SMAD2: variants seen among roughly 807,000 people sequenced by gnomAD.
The protein encoded by SMAD2 is SMAD family member 2.
In SMAD2, 8 loss-of-function variants were observed where a neutral mutation model predicts 64.4. The ratio of observed to expected loss-of-function variants is 0.12; its 90% CI spans 0.07 to 0.22. SMAD2 has a LOEUF of 0.22. SMAD2 is among the 10% of genes least tolerant of loss of function. The pLI is 1.00. For missense variants in SMAD2, 289 were observed against 561.2 expected (o/e 0.51, Z 4.90); for synonymous variants, 203 against 195.8 (o/e 1.04, Z -0.31).
rs1374148305 is a variant in SMAD2 at position 47,835,718 on chromosome 18, T to C, written c.*6109A>G. 5.3e-6 allele frequency: 1 copy of C among 190,286 alleles called. No individual in the cohort carries two copies. The highest frequency in any genetic ancestry group is 1.1e-5 in the Non-Finnish European group (1 of 90,708). The allele number at this position is 190,286 out of a possible 1,614,324, so 11.8% of individuals were successfully genotyped here. A position where few individuals can be genotyped will look rare whatever the true frequency, so the allele number is the denominator to read the frequency against. ...CAGAGAAAGGAAAACAATTATGAAA[T>C]GGAAAATATATAATATTTAAGTACT... On this transcript the variant is annotated 3_prime_UTR_variant, in exon 11 of 11. Transcript: ENST00000262160.
rs903107461 is a variant in SMAD2 at position 47,837,290 on chromosome 18, C to T, written c.*4537G>A. 2.1e-5 allele frequency: 4 copies of T among 193,560 alleles called. No homozygotes were observed. The highest frequency in any genetic ancestry group is 8.2e-5 in the East Asian group (1 of 12,194). The allele number at this position is 193,560 out of a possible 1,614,324, so 12.0% of individuals were successfully genotyped here. Reference sequence around the variant, plus strand: ...GATAAAAATATGGCTAGGCTGGGCGCGGTGGCTCATGCCTGTAATCCCAGC... The same window carrying T: ...GATAAAAATATGGCTAGGCTGGGCGTGGTGGCTCATGCCTGTAATCCCAGC... On this transcript the variant is annotated 3_prime_UTR_variant, in exon 11 of 11. Coordinates refer to ENST00000262160, the MANE Select transcript of SMAD2 (RefSeq NM_005901.6).
In SMAD2 at chr18:47,813,704, C is replaced by CCCCA. The variant is rs1912278101; in HGVS notation, c.*28119_*28122dup. 1.4e-5 allele frequency: 1 copy of CCCCA among 73,538 alleles called. No individual in the cohort carries two copies. The highest frequency in any genetic ancestry group is 2.7e-5 in the Non-Finnish European group (1 of 37,628). The allele number at this position is 73,538 out of a possible 1,614,324, so 4.6% of individuals were successfully genotyped here. Reference sequence around the variant, plus strand: ...TACAGGCATGAGCCACTGTACCCGGCCCCACAATTTTTTTTTTTTTTTTTT... The same window carrying CCCCA: ...TACAGGCATGAGCCACTGTACCCGGCCCCACCCACAATTTTTTTTTTTTTTTTTT... On this transcript the variant is annotated 3_prime_UTR_variant, in exon 11 of 11. Transcript: ENST00000262160.
At chr18:47,911,094 G>A (rs1265687879) in intron 1 of SMAD2, among the ~76,000 whole-genome samples, 1 of 151,962 alleles carries the variant, frequency 6.6e-6, no homozygotes, top group African/African-American at 2.4e-5. Context: ...GCTCACGCCT[G>A]TAATCCCAGC....
chr18:47,914,232 T>C (rs1365681215), intron 1 of SMAD2, among the ~76,000 whole-genome samples: 2 of 152,236 alleles, frequency 1.3e-5, no homozygotes, highest in Non-Finnish European at 2.9e-5. Context: ...ATCCTTAGAA[T>C]GACTTTTCAT....
chr18:47,890,989 T>C (rs904613022), intron 2 of SMAD2, among the ~76,000 whole-genome samples: 3 of 152,148 alleles, frequency 2.0e-5, no homozygotes, highest in Non-Finnish European at 4.4e-5. Context: ...ATAAAGTTAC[T>C]AATTACTCTG....
intron 2 of SMAD2, chr18:47,878,643 C>T (rs548586241): frequency 2.0e-5 from 3 of 151,996 alleles, no homozygotes; most frequent in East Asian, 1.9e-4. Flanking sequence ...CAAAACAAAA[C>T]GAAAGAATCA....
intron 5 of SMAD2, chr18:47,867,413 A>G (rs1304644396): frequency 6.6e-6 from 1 of 152,148 alleles, no homozygotes; most frequent in Non-Finnish European, 1.5e-5. Context: ...GATACATGAA[A>G]GAAATAATTG....
chr18:47,907,313 A>G (rs979534688), intron 1 of SMAD2, among the ~76,000 whole-genome samples: 2 of 152,236 alleles, frequency 1.3e-5, no homozygotes, highest in Non-Finnish European at 2.9e-5. Context: ...TAGTGTGCTC[A>G]TAAAAAGGAA....
rs1478091002 is a variant in SMAD2 at position 47,827,198 on chromosome 18, T to G, written c.*14629A>C. On this transcript the variant is annotated 3_prime_UTR_variant, in exon 11 of 11. Coordinates refer to ENST00000262160, the MANE Select transcript of SMAD2 (RefSeq NM_005901.6). ...TCTATTATCCAAGGTAACTGAAGTA[T>G]TTGACTGTACAGGACTGCTTCCTTC... 6.6e-6 allele frequency: 1 copy of G among 152,218 alleles called. No homozygotes were observed. The highest frequency in any genetic ancestry group is 6.5e-5 in the Admixed American group (1 of 15,288). 9.4% of individuals were successfully genotyped at this position (152,218 alleles called of 1,614,324 possible).
chr18:47,854,087 T>TA (rs2030424080), intron 6 of SMAD2, among the ~76,000 whole-genome samples: 1 of 133,838 alleles, frequency 7.5e-6, no homozygotes, highest in Non-Finnish European at 1.6e-5. Context: ...ATAGAAGCCT[T>TA]TAAAAAAAAA....
chr18:47,889,775 A>C (rs983185684), intron 2 of SMAD2, among the ~76,000 whole-genome samples: 10 of 152,066 alleles, frequency 6.6e-5, no homozygotes, highest in Non-Finnish European at 1.3e-4. Flanking sequence ...CATCTCAAAA[A>C]AAAAAAAAAG....
At chr18:47,927,704 A>C (rs1391431100) in intron 1 of SMAD2, among the ~76,000 whole-genome samples, 1 of 152,192 alleles carries the variant, frequency 6.6e-6, no homozygotes, top group Non-Finnish European at 1.5e-5. Context: ...GTTCGAGACC[A>C]GCCTGACCAA....
At chr18:47,911,810 T>C (rs1383986832) in intron 1 of SMAD2, among the ~76,000 whole-genome samples, 1 of 152,184 alleles carries the variant, frequency 6.6e-6, no homozygotes, top group Non-Finnish European at 1.5e-5. Flanking sequence ...CTGTAGTATG[T>C]AACTTGATAA....
Position 47,825,919 on chromosome 18 carries a change from T to C in SMAD2, c.*15908A>G, listed in dbSNP as rs954154452. ...AAGTAAAGCAGATAGCATCTTTGCA[T>C]TTAAGAAGTCCCAGAAAGGTTTTGG... On this transcript the variant is annotated 3_prime_UTR_variant, in exon 11 of 11. Transcript: ENST00000262160. 67 of 152,326 alleles carry C rather than the reference T, an allele frequency of 4.4e-4. No homozygotes were observed. Among genetic ancestry groups the C allele is most frequent in the African/African-American group, 1.6e-3 (65 of 41,566 alleles). 9.4% of individuals were successfully genotyped at this position (152,326 alleles called of 1,614,324 possible). A position where few individuals can be genotyped will look rare whatever the true frequency, so the allele number is the denominator to read the frequency against.
At chr18:47,853,642 C>A (rs536140356) in intron 6 of SMAD2, among the ~76,000 whole-genome samples, 1 of 152,096 alleles carries the variant, frequency 6.6e-6, no homozygotes, top group Admixed American at 6.5e-5. Context: ...ATGGTAGCCC[C>A]TAGATAAATA....
At chr18:47,919,635 C>T (rs909090436) in intron 1 of SMAD2, among the ~76,000 whole-genome samples, 5 of 152,010 alleles carry the variant, frequency 3.3e-5, no homozygotes, top group African/African-American at 9.7e-5. Context: ...CAGTGCAAAT[C>T]GGAGCAAGCT....
At chr18:47,921,849 A>G (rs1279696682) in intron 1 of SMAD2, among the ~76,000 whole-genome samples, 3 of 152,210 alleles carry the variant, frequency 2.0e-5, no homozygotes, top group South Asian at 2.1e-4. Flanking sequence ...GAAAACTTTT[A>G]TATTTTATCC....
At chr18:47,873,870 T>C (rs1185649523) in intron 2 of SMAD2, among the ~76,000 whole-genome samples, 1 of 152,044 alleles carries the variant, frequency 6.6e-6, no homozygotes, top group African/African-American at 2.4e-5. Context: ...AGGGGGGTTG[T>C]TTTTAGAAAA....
Position 47,822,664 on chromosome 18 carries a change from A to G in SMAD2, c.*19163T>C, listed in dbSNP as rs1468889638. On this transcript the variant is annotated 3_prime_UTR_variant, in exon 11 of 11. Coordinates refer to ENST00000262160, the MANE Select transcript of SMAD2 (RefSeq NM_005901.6). ...TTTCTTCTTGATCCCTCCAATTTGG[A>G]AACTATTTTGAGTATTCATTTGTTT... The G allele has an allele frequency of 1.3e-5, 2 of 152,208 alleles. No homozygotes were observed. Among genetic ancestry groups the G allele is most frequent in the African/African-American group, 4.8e-5 (2 of 41,460 alleles). 9.4% of individuals were successfully genotyped at this position (152,208 alleles called of 1,614,324 possible). A position where few individuals can be genotyped will look rare whatever the true frequency, so the allele number is the denominator to read the frequency against.
Sources: allele counts gnomAD v4.1 joint callset (sites outside exome capture counted in the v4.1 genomes callset), GRCh38; gene constraint gnomAD v4.1.1; transcripts MANE v1.5; gene names NCBI Gene and HGNC (gene_info 2026-07-23, HGNC 2026-07-21).